The following NPIPB12 variants were observed in gnomAD, a reference collection of about 807,000 sequenced individuals.
The protein encoded by NPIPB12 is nuclear pore complex-interacting protein family member B12.
rs1212547870 is a variant in NPIPB12 at position 29,497,178 on chromosome 16, G to C, written c.76-1571C>G. ...AAAAAAAAAAAAAATACAATGAAGAGATTACTTCATTCACAAATAAGTATC... is the reference window on the plus strand; with the variant it reads ...AAAAAAAAAAAAAATACAATGAAGACATTACTTCATTCACAAATAAGTATC... On this transcript the variant is annotated intron_variant, in intron 1 of 5. Coordinates refer to ENST00000617311, the Ensembl canonical transcript of NPIPB12. Among the ~76,000 whole-genome samples, 2 of 98,394 alleles carry C rather than the reference G, an allele frequency of 2.0e-5. 1 individual carries two copies. The highest frequency in any genetic ancestry group is 4.3e-5 in the Non-Finnish European group (2 of 46,798). 64.6% of individuals were successfully genotyped at this position (98,394 alleles called of 152,430 possible).
intron 4 of NPIPB12, among the ~76,000 whole-genome samples, chr16:29,490,500 C>A (rs1450217906): frequency 6.7e-5 from 10 of 149,306 alleles, no homozygotes; most frequent in Non-Finnish European, 1.4e-4. Flanking sequence ...ATTGGGAGGC[C>A]GAGGTGTGCG....
intron 2 of NPIPB12, among the ~76,000 whole-genome samples, chr16:29,504,571 T>A (rs1393491104): frequency 1.3e-5 from 2 of 148,748 alleles, no homozygotes; most frequent in African/African-American, 5.0e-5. Flanking sequence ...TATATAAATC[T>A]CAAAAATAAA....
chr16:29,497,440 G>T (rs371163220), intron 1 of NPIPB12, among the ~76,000 whole-genome samples: 24 of 44,118 alleles, frequency 5.4e-4, no homozygotes, highest in Admixed American at 6.7e-4. Flanking sequence ...CTTGAACCCG[G>T]GAGGCAGAGG....
chr16:29,498,296 C>A (rs1232858424), intron 1 of NPIPB12, among the ~76,000 whole-genome samples: 6 of 131,460 alleles, frequency 4.6e-5, no homozygotes, highest in African/African-American at 1.6e-4. Flanking sequence ...GAGAAACTGT[C>A]TCAAAATAAA....
chr16:29,498,017 T>TCGGTGG (rs1965155085), intron 1 of NPIPB12, among the ~76,000 whole-genome samples: 1 of 93,224 alleles, frequency 1.1e-5, no homozygotes, highest in African/African-American at 3.9e-5. Context: ...AGTGTAGATC[T>TCGGTGG]TGGCTGGGCA....
chr16:29,498,173 G>A (rs1965159752), intron 1 of NPIPB12, among the ~76,000 whole-genome samples: 1 of 142,814 alleles, frequency 7.0e-6, no homozygotes, highest in Non-Finnish European at 1.5e-5. Context: ...GGTGCCACAT[G>A]TCTGTAATCC....
upstream of NPIPB12, among the ~76,000 whole-genome samples, chr16:29,504,436 C>T (rs1369269378): frequency 1.3e-3 from 108 of 80,442 alleles, no homozygotes; most frequent in East Asian, 0.012. Context: ...ACCCGGGAGA[C>T]GGAGGTTGCA....
chr16:29,497,082 A>C, intron 1 of NPIPB12, among the ~76,000 whole-genome samples: 1 of 71,542 alleles, frequency 1.4e-5, no homozygotes, highest in East Asian at 1.0e-3. Context: ...ACATGGTAAA[A>C]GAATCCCTCT....
chr16:29,490,723 C>T, intron 4 of NPIPB12, among the ~76,000 whole-genome samples: 1 of 14,994 alleles, frequency 6.7e-5, no homozygotes, highest in South Asian at 4.3e-3. Context: ...GAGTGAGACT[C>T]TGTCTCAAAA....
chr16:29,498,042 T>TCATCAAAAAA (rs1324293142), intron 1 of NPIPB12, among the ~76,000 whole-genome samples: 1 of 69,570 alleles, frequency 1.4e-5, no homozygotes, highest in Non-Finnish European at 3.0e-5. Context: ...GGTTCACGCC[T>TCATCAAAAAA]GTAATCCCAA....
At chr16:29,490,897 T>A (rs1210260100) in intron 4 of NPIPB12, among the ~76,000 whole-genome samples, 4 of 66,000 alleles carry the variant, frequency 6.1e-5, no homozygotes, top group South Asian at 7.9e-4. Flanking sequence ...AGACTCTATC[T>A]CAAAATTAAA....
intron 2 of NPIPB12, among the ~76,000 whole-genome samples, chr16:29,492,512 A>AAAAT (rs1555481725): frequency 4.7e-5 from 2 of 42,720 alleles, no homozygotes; most frequent in Non-Finnish European, 8.7e-5. Context: ...AAAAAAAAAA[A>AAAAT]AGGCCAGATG....
At chr16:29,504,296 CAGG>C, upstream of NPIPB12, among the ~76,000 whole-genome samples, 1 of 89,048 alleles carries the variant, frequency 1.1e-5, no homozygotes, top group Non-Finnish European at 2.3e-5. Flanking sequence ...ATCACGAGGT[CAGG>C]AGTTGACACG....
At chr16:29,504,528 G>A (rs1349300572) in intron 2 of NPIPB12, among the ~76,000 whole-genome samples, 6 of 139,950 alleles carry the variant, frequency 4.3e-5, no homozygotes, top group African/African-American at 1.6e-4. Context: ...GTGTGTGTGT[G>A]TGTGTGTGTG....
intron 4 of NPIPB12, among the ~76,000 whole-genome samples, chr16:29,490,691 C>G (rs1272877816): frequency 1.2e-4 from 6 of 50,526 alleles, no homozygotes; most frequent in Non-Finnish European, 2.2e-4. Context: ...GATCATGCCA[C>G]TGCACTCTAG....
chr16:29,497,331 C>T (rs1401316703), intron 1 of NPIPB12, among the ~76,000 whole-genome samples: 1 of 41,050 alleles, frequency 2.4e-5, no homozygotes, highest in Non-Finnish European at 4.2e-5. Context: ...CTAGCTAACA[C>T]GGTGAAACCC....
At chr16:29,502,130 T>TG (rs1247605295), upstream of NPIPB12, among the ~76,000 whole-genome samples, 1 of 1,648 alleles carries the variant, frequency 6.1e-4, no homozygotes, top group Non-Finnish European at 1.3e-3. Flanking sequence ...CAACCTCCCT[T>TG]GGAGGCGGTC....
intron 4 of NPIPB12, among the ~76,000 whole-genome samples, chr16:29,490,338 C>A (rs1965064513): frequency 9.4e-6 from 1 of 106,032 alleles, no homozygotes; most frequent in Non-Finnish European, 1.9e-5. Context: ...ACAATCCAGG[C>A]TGGGTGCGGT....
At chr16:29,504,494 A>C (rs1246629368) in intron 2 of NPIPB12, among the ~76,000 whole-genome samples, 1 of 120,084 alleles carries the variant, frequency 8.3e-6, no homozygotes, top group Non-Finnish European at 1.8e-5. Flanking sequence ...GACAGAGTGA[A>C]ACTCTGTCTC....
Sources: allele counts gnomAD v4.1 joint callset (sites outside exome capture counted in the v4.1 genomes callset), GRCh38; gene constraint gnomAD v4.1.1; transcripts MANE v1.5; gene names NCBI Gene and HGNC (gene_info 2026-07-23, HGNC 2026-07-21).